The following CNTFR variants were observed in gnomAD, a reference collection of about 807,000 sequenced individuals.
CNTFR encodes ciliary neurotrophic factor receptor.
CNTFR carries 12 observed loss-of-function variants against 40.4 expected under a neutral mutation model. The observed-to-expected ratio is 0.30, with a 90% CI of 0.19 to 0.48. CNTFR has a LOEUF of 0.48. Among genes scored for constraint, CNTFR ranks in the 20% least tolerant of loss-of-function variants. CNTFR has a pLI of 0.99. For synonymous variants in CNTFR, 202 were observed against 209.6 expected (o/e 0.96, Z 0.31); for missense variants, 414 against 506.8 (o/e 0.82, Z 1.76).
chr9:34,568,944 A>G lies in CNTFR; in HGVS notation c.38T>C (p.Leu13Pro). 6.2e-7 allele frequency: 1 copy of G among 1,601,580 alleles called. No homozygotes were observed. The highest frequency in any genetic ancestry group is 1.1e-5 in the South Asian group (1 of 88,798). Residue 13 changes from leucine to proline, a missense_variant, in exon 3 of 10, where the codon CTT becomes CCT. By Grantham distance (98) the Leu-to-Pro change is moderately conservative. Coordinates refer to ENST00000378980, the MANE Select transcript of CNTFR (RefSeq NM_147164.3). ...APVPWACCAV[L>P]AAAAAVVYAQ... ...GTAGACAACTGCGGCGGCGGCGGCA[A>G]GCACAGCACAGCAGGCCCACGGGAC...
chr9:34,577,390 G>A (rs1011864336), intron 2 of CNTFR, among the ~76,000 whole-genome samples: 16 of 152,194 alleles, frequency 1.1e-4, no homozygotes, highest in Non-Finnish European at 1.5e-5. Context: ...GGGGAAGGGG[G>A]CAGTGGGGAC....
In CNTFR at chr9:34,552,009, G is replaced by T; in HGVS notation, c.*62C>A. ...TGCAAAATAGAAACCGGGGTCTGCA[G>T]GCTCAGCTCCGGCCTCCTGCTCCTC... On this transcript the variant is annotated 3_prime_UTR_variant, in exon 10 of 10. Coordinates refer to ENST00000378980, the MANE Select transcript of CNTFR (RefSeq NM_147164.3). This position sits in a 1 kb window ranked among gnomAD's most constrained non-coding sequence, Gnocchi z 5.1. 1 of 948,650 alleles carries T rather than the reference G, an allele frequency of 1.1e-6. No individual in the cohort carries two copies. The highest frequency in any genetic ancestry group is 1.7e-6 in the Non-Finnish European group (1 of 592,426). 58.8% of individuals were successfully genotyped at this position (948,650 alleles called of 1,614,324 possible).
chr9:34,561,093 G>A (rs1286430444), intron 4 of CNTFR, among the ~76,000 whole-genome samples: 1 of 152,102 alleles, frequency 6.6e-6, no homozygotes, highest in African/African-American at 2.4e-5. Flanking sequence ...GCCGCCTCCT[G>A]CCTGGCACTC....
upstream of CNTFR, among the ~76,000 whole-genome samples, chr9:34,590,614 G>A (rs1047394573): frequency 6.6e-6 from 1 of 152,192 alleles, no homozygotes; most frequent in Non-Finnish European, 1.5e-5. Flanking sequence ...CTCGCGCCCC[G>A]AGGACACACA....
Position 34,557,787 on chromosome 9 carries a change from A to G in CNTFR, c.437+80T>C. On this transcript the variant is annotated intron_variant, in intron 5 of 9. Transcript: ENST00000378980. The surrounding 1 kb of genome is among the most constrained non-coding windows in gnomAD (Gnocchi z 4.2). ...GTCAAGCCCAAGGCAGGGCTGGGGT[A>G]TGGACAGAGGGCATGGTGGTGGGAT... 6.4e-7 allele frequency: 1 copy of G among 1,566,220 alleles called. No individual in the cohort carries two copies. The highest frequency in any genetic ancestry group is 8.7e-7 in the Non-Finnish European group (1 of 1,142,988).
At chr9:34,565,783 A>G (rs10738931) in intron 3 of CNTFR, among the ~76,000 whole-genome samples, 114,152 of 152,020 alleles carry the variant, frequency 0.75, 44,572 homozygotes, top group Non-Finnish European at 0.87. Flanking sequence ...GGGCAGAGAG[A>G]CAGATTTAAG....
At chr9:34,583,622 C>T (rs993379222) in intron 1 of CNTFR, among the ~76,000 whole-genome samples, 18 of 151,884 alleles carry the variant, frequency 1.2e-4, no homozygotes, top group African/African-American at 3.6e-4. Context: ...TCCTTCCAGG[C>T]CTCCCACCCA....
intron 1 of CNTFR, among the ~76,000 whole-genome samples, chr9:34,584,169 G>T (rs1026059945): frequency 1.3e-5 from 2 of 152,108 alleles, no homozygotes; most frequent in African/African-American, 4.8e-5. Context: ...CTGACTACTT[G>T]GTTTTTATGT....
intron 3 of CNTFR, among the ~76,000 whole-genome samples, chr9:34,567,284 T>A (rs1383242673): frequency 6.6e-6 from 1 of 152,094 alleles, no homozygotes; most frequent in Non-Finnish European, 1.5e-5. Flanking sequence ...GATGAGGTCA[T>A]GGACATGGAG....
At chr9:34,574,199 C>T (rs1826839147) in intron 2 of CNTFR, among the ~76,000 whole-genome samples, 1 of 152,100 alleles carries the variant, frequency 6.6e-6, no homozygotes, top group Non-Finnish European at 1.5e-5. Context: ...GCAGGCCCCT[C>T]ACCAGGGAAG....
At chr9:34,577,884 CG>C (rs1162629122) in intron 2 of CNTFR, among the ~76,000 whole-genome samples, 1 of 129,724 alleles carries the variant, frequency 7.7e-6, no homozygotes, top group African/African-American at 2.8e-5. Flanking sequence ...CGAGCAGCCG[CG>C]GGGGGCGGAG....
At chr9:34,574,670 G>T (rs1001092734) in intron 2 of CNTFR, among the ~76,000 whole-genome samples, 1 of 152,250 alleles carries the variant, frequency 6.6e-6, no homozygotes, top group Non-Finnish European at 1.5e-5. Context: ...GAGTTGGGGG[G>T]GTTGGTATCC....
At chr9:34,554,084 G>C (rs1454283420) in intron 7 of CNTFR, among the ~76,000 whole-genome samples, 1 of 152,138 alleles carries the variant, frequency 6.6e-6, no homozygotes, top group African/African-American at 2.4e-5. Context: ...CAGGGTCATG[G>C]TGAGACACCT....
chr9:34,564,533 T>C, intron 4 of CNTFR, 66 bp downstream of exon 4: 2 of 1,410,692 alleles, frequency 1.4e-6, no homozygotes, highest in Non-Finnish European at 2.0e-6. Context: ...GGGGACTTGA[T>C]CTGGGCTAGG....
chr9:34,565,014 G>A (rs1252451886), intron 3 of CNTFR, among the ~76,000 whole-genome samples, 182 bp from the exon 4 acceptor site: 1 of 152,188 alleles, frequency 6.6e-6, no homozygotes, highest in Non-Finnish European at 1.5e-5. Flanking sequence ...GTGCAAGTGT[G>A]TGGGTATATG....
At chr9:34,564,023 A>T (rs1182663119) in intron 4 of CNTFR, among the ~76,000 whole-genome samples, 1 of 152,108 alleles carries the variant, frequency 6.6e-6, no homozygotes, top group East Asian at 1.9e-4. Flanking sequence ...ATGCCCTCCC[A>T]GCCGCTGAGG....
At chr9:34,567,032 CACA>C (rs1359984672) in intron 3 of CNTFR, among the ~76,000 whole-genome samples, 1 of 152,152 alleles carries the variant, frequency 6.6e-6, no homozygotes, top group African/African-American at 2.4e-5. Context: ...GCTACAATAA[CACA>C]ACAATGGCAA....
chr9:34,560,174 G>C (rs957414685), intron 4 of CNTFR, among the ~76,000 whole-genome samples: 2 of 152,216 alleles, frequency 1.3e-5, no homozygotes, highest in Non-Finnish European at 2.9e-5. Flanking sequence ...CTGAGGGGCC[G>C]GGTGGGCGGA....
chr9:34,570,336 C>T (rs1198943365), intron 2 of CNTFR, among the ~76,000 whole-genome samples: 2 of 152,092 alleles, frequency 1.3e-5, no homozygotes, highest in Non-Finnish European at 2.9e-5. Flanking sequence ...CAGAGAACAG[C>T]GACACAATCA....
Sources: allele counts gnomAD v4.1 joint callset (sites outside exome capture counted in the v4.1 genomes callset), GRCh38; gene constraint gnomAD v4.1.1; non-coding constraint Gnocchi (gnomAD v3.1); transcripts MANE v1.5; gene names NCBI Gene and HGNC (gene_info 2026-07-23, HGNC 2026-07-21).